Variants in CC2D1B observed in about 807,000 individuals in gnomAD.
CC2D1B encodes coiled-coil and C2 domain-containing protein 1B.
A neutral mutation model predicts 110.8 loss-of-function variants in CC2D1B; 92 were observed. That is an observed-to-expected ratio of 0.83 (90% CI 0.70 to 0.99). The LOEUF (loss-of-function observed/expected upper bound fraction) is 0.99. Among genes scored for constraint, CC2D1B ranks in the 50% least tolerant of loss-of-function variants. The probability of loss-of-function intolerance (pLI) is 0.00; values close to 1 mark genes in which losing one functional copy is unlikely to be tolerated. For missense variants in CC2D1B, 1,136 were observed against 1,089.0 expected, an observed-to-expected ratio of 1.04 and a Z score of -0.61; for synonymous variants, 406 against 429.2, an observed-to-expected ratio of 0.95 and a Z score of 0.67.
intron 4 of CC2D1B, 137 bp downstream of exon 4, chr1:52,361,376 C>T: frequency 6.8e-7 from 1 of 1,464,910 alleles, no homozygotes; most frequent in Non-Finnish European, 9.2e-7. Flanking sequence ...ACGCCACCCA[C>T]TGTACAGCCA....
At position 52,360,532 on chromosome 1, in the gene CC2D1B, C is replaced by T. The variant is rs370277885; in HGVS notation, c.495G>A (p.Gly165=). The change falls in exon 6 of 25, where the codon GGG becomes GGA. Residue 165 remains glycine (G), a synonymous_variant. Transcript: ENST00000284376. ...TCCGTTCCTCCAGCAAAGCGTGTAG[C>T]CCCTGAGATGCTCCGGCCTATGAAC... ...APAAQAGASQ[G]LHALLEERIH... 42 of 1,613,996 alleles carry T rather than the reference C, an allele frequency of 2.6e-5. No individual in the cohort carries two copies. The highest frequency in any genetic ancestry group is 3.4e-5 in the Non-Finnish European group (40 of 1,180,028).
chr1:52,356,283 C>T lies in CC2D1B; in HGVS notation c.1957G>A (p.Asp653Asn). Residue 653 changes from aspartate to asparagine, a missense_variant, in exon 18 of 25, where the codon GAC (aspartate) becomes AAC (asparagine). By Grantham distance (23) the Asp-to-Asn change is conservative (BLOSUM62 1). Transcript: ENST00000284376. ...AGGATCTCCAGCTGTTTCTTGCGGTCCTGAGCAAGCTTCTCAAATCTGACA... is the reference window on the plus strand; with the variant it reads ...AGGATCTCCAGCTGTTTCTTGCGGTTCTGAGCAAGCTTCTCAAATCTGACA... ...ETTRFEKLAQ[D>N]RKKQLEILQL... The T allele has an allele frequency of 6.2e-7, 1 of 1,614,176 alleles. No homozygotes were observed. The highest frequency in any genetic ancestry group is 8.5e-7 in the Non-Finnish European group (1 of 1,180,036).
chr1:52,357,674 T>G lies in CC2D1B; in HGVS notation c.1604A>C (p.Glu535Ala). Residue 535 changes from glutamate (E) to alanine (A), a missense_variant, in exon 15 of 25, where the codon GAG becomes GCG. Coordinates refer to ENST00000284376, the MANE Select transcript of CC2D1B (RefSeq NM_001330585.2). ...CCGCTGATACTGCAGTTTCCGTGCCTCCAGCAGTGCCAGCTGCTCCCGCAC... is the reference window on the plus strand; with the variant it reads ...CCGCTGATACTGCAGTTTCCGTGCCGCCAGCAGTGCCAGCTGCTCCCGCAC... ...PSVREQLALL[E>A]ARKLQYQRAA... The G allele has an allele frequency of 6.2e-7, 1 of 1,604,294 alleles. No individual in the cohort carries two copies. Among genetic ancestry groups the G allele is most frequent in the Non-Finnish European group, 8.5e-7 (1 of 1,175,322 alleles).
In CC2D1B at chr1:52,356,386, G is replaced by C; in HGVS notation, c.1935C>G (p.Thr645=). The C allele has an allele frequency of 1.2e-6, 2 of 1,614,152 alleles. No homozygotes were observed. Among genetic ancestry groups the C allele is most frequent in the Non-Finnish European group, 1.7e-6 (2 of 1,180,034 alleles). The change falls in exon 17 of 25, where the codon ACC becomes ACG. Residue 645 remains threonine, a splice_region_variant and synonymous_variant. Transcript: ENST00000284376. ...FMHQGNVAET[T]RFEKLAQDRK... The stretch of plus-strand genomic sequence containing the variant: ...CCAGCCCCAGCCCTTGCACTTACCG[G>C]GTGGTCTCAGCCACGTTGCCCTGGT...
chr1:52,353,463 G>A, intron 24 of CC2D1B, 55 bp downstream of exon 24: 2 of 1,563,872 alleles, frequency 1.3e-6, no homozygotes, highest in Non-Finnish European at 1.7e-6. Flanking sequence ...GAGTTGAGTA[G>A]TTAGTTGAGT....
chr1:52,356,578 G>A, intron 16 of CC2D1B, 136 bp from the exon 17 acceptor site: 1 of 868,354 alleles, frequency 1.2e-6, no homozygotes, highest in Non-Finnish European at 1.8e-6. Context: ...AGCCCCAAGG[G>A]CACTACTCCC....
In CC2D1B at chr1:52,351,838, C is replaced by T. The variant is rs1001805315; in HGVS notation, c.*1387G>A. The T allele has an allele frequency of 6.9e-6, 1 of 144,864 alleles. No individual in the cohort carries two copies. The highest frequency in any genetic ancestry group is 1.5e-5 in the Non-Finnish European group (1 of 67,086). The allele number at this position is 144,864 out of a possible 1,614,324, so 9.0% of individuals were successfully genotyped here. A position where few individuals can be genotyped will look rare whatever the true frequency, so the allele number is the denominator to read the frequency against. On this transcript the variant is annotated 3_prime_UTR_variant, in exon 25 of 25. Coordinates refer to ENST00000284376, the MANE Select transcript of CC2D1B (RefSeq NM_001330585.2). ...GGTGGGGGTTGCAGCGAGCTGAGAT[C>T]ATGCCACTGCACTCCAGCCTGGCTG...
intron 4 of CC2D1B, 70 bp downstream of exon 4, chr1:52,361,443 T>C: frequency 6.2e-7 from 1 of 1,600,508 alleles, no homozygotes; most frequent in South Asian, 1.1e-5. Flanking sequence ...CAGCCTCCTC[T>C]CCACTGCCCT....
chr1:52,357,639 G>A lies in CC2D1B; in HGVS notation c.1639C>T (p.Gln547Ter). The change falls in exon 15 of 25, where the codon CAG becomes TAG. Residue 547 changes from glutamine to a stop codon, truncating the protein, a stop_gained. Transcript: ENST00000284376. LOFTEE classifies it high-confidence loss of function. ...TCCAGGTCCTGGCTGCGCTTGGCCT[G>A]CAGGGCTGCCCGCTGATACTGCAGT... ...RKLQYQRAAL[Q>*]AKRSQDLEQA... The A allele has an allele frequency of 6.3e-7, 1 of 1,595,650 alleles. No individual in the cohort carries two copies. Among genetic ancestry groups the A allele is most frequent in the Non-Finnish European group, 8.5e-7 (1 of 1,170,684 alleles).
intron 1 of CC2D1B, among the ~76,000 whole-genome samples, chr1:52,365,151 G>C (rs1646856188): frequency 6.6e-6 from 1 of 152,212 alleles, no homozygotes; most frequent in African/African-American, 2.4e-5. Flanking sequence ...CTGAGCTCTG[G>C]AGAAAGCTGG....
Position 52,357,804 on chromosome 1 carries a change from G to C in CC2D1B, c.1556C>G (p.Ser519Cys), listed in dbSNP as rs573900470. The change falls in exon 14 of 25, where the codon TCT becomes TGT. Residue 519 changes from serine to cysteine, a missense_variant. Physicochemically the swap from Ser to Cys is moderately radical, Grantham distance 112. Coordinates refer to ENST00000284376, the MANE Select transcript of CC2D1B (RefSeq NM_001330585.2). Reference protein sequence around the residue: ...QRLPEPRASSSKESPSPSVRE... With the variant: ...QRLPEPRASSCKESPSPSVRE... ...ACCAGATGGACTCGGTGACTCCTTA[G>C]AACTTGAGGCCCTGGGCTCAGGCAG... is the stretch of plus-strand genomic sequence containing the variant. The C allele has an allele frequency of 1.3e-6, 2 of 1,592,044 alleles. No homozygotes were observed. Among genetic ancestry groups the C allele is most frequent in the African/African-American group, 1.3e-5 (1 of 74,428 alleles).
At chr1:52,362,547 C>A (rs1007873394) in intron 3 of CC2D1B, 55 bp downstream of exon 3, 1 of 1,607,174 alleles carries the variant, frequency 6.2e-7, no homozygotes, top group Non-Finnish European at 8.5e-7. Flanking sequence ...CCCTCTACCA[C>A]CAGCCTGTGC....
In CC2D1B at chr1:52,355,459, G is replaced by C; in HGVS notation, c.2188-10C>G. ...TTTTTTGAGCCTGGTCCTAAGCAGT[G>C]AGGAGGGAGAAGTCAGGACAGCGTA... On this transcript the variant is annotated splice_polypyrimidine_tract_variant and intron_variant, in intron 20 of 24. Transcript: ENST00000284376. 1 of 1,614,160 alleles carries C rather than the reference G, an allele frequency of 6.2e-7. No homozygotes were observed. Among genetic ancestry groups the C allele is most frequent in the Non-Finnish European group, 8.5e-7 (1 of 1,180,004 alleles).
intron 13 of CC2D1B, 92 bp from the exon 14 acceptor site, chr1:52,357,990 C>A: frequency 2.7e-6 from 4 of 1,485,454 alleles, no homozygotes; most frequent in Non-Finnish European, 3.6e-6. Flanking sequence ...TAACACTGTA[C>A]TACATCGCTG....
chr1:52,353,432 C>G, intron 24 of CC2D1B, 86 bp downstream of exon 24: 1 of 1,528,550 alleles, frequency 6.5e-7, no homozygotes, highest in Non-Finnish European at 8.8e-7. Context: ...TGAGAAACTC[C>G]TAGGTTTTCT....
chr1:52,362,477 G>A (rs973164420), intron 3 of CC2D1B, 125 bp downstream of exon 3: 13 of 1,167,666 alleles, frequency 1.1e-5, no homozygotes, highest in South Asian at 5.7e-5. Context: ...GTGGGAGTGC[G>A]GCAGATGGGT....
chr1:52,363,895 G>C (rs998405550), intron 2 of CC2D1B, among the ~76,000 whole-genome samples: 7 of 152,074 alleles, frequency 4.6e-5, no homozygotes, highest in African/African-American at 1.7e-4. Flanking sequence ...TGGCCAGGCT[G>C]GTCTCAAACT....
chr1:52,360,805 C>T (rs996563433), intron 5 of CC2D1B, 169 bp downstream of exon 5: 12 of 956,816 alleles, frequency 1.3e-5, no homozygotes, highest in Non-Finnish European at 1.9e-5. Flanking sequence ...GCCTTTGAGG[C>T]TGGCTGCCAC....
intron 18 of CC2D1B, 89 bp downstream of exon 18, chr1:52,356,097 C>T: frequency 8.3e-7 from 1 of 1,205,072 alleles, no homozygotes; most frequent in Non-Finnish European, 1.2e-6. Flanking sequence ...GCTTGGGAAG[C>T]CTCACTAAAG....
Sources: allele counts gnomAD v4.1 joint callset (sites outside exome capture counted in the v4.1 genomes callset), GRCh38; gene constraint gnomAD v4.1.1; transcripts MANE v1.5; gene names NCBI Gene and HGNC (gene_info 2026-07-23, HGNC 2026-07-21).